Variants in MROH9 observed in about 807,000 individuals in gnomAD.
The protein encoded by MROH9 is maestro heat like repeat family member 9.
In MROH9, 92 loss-of-function variants were observed where a neutral mutation model predicts 98.2. The ratio of observed to expected loss-of-function variants is 0.94; its 90% CI spans 0.79 to 1.11. The LOEUF (loss-of-function observed/expected upper bound fraction) is 1.11, where lower values mean the gene tolerates loss of function less well. MROH9 is among the 50% of genes most tolerant of loss of function. The pLI is 0.00. For synonymous variants in MROH9, 397 were observed against 368.9 expected, an observed-to-expected ratio of 1.08 and a Z score of -0.87; for missense variants, 1,057 against 1,014.8, an observed-to-expected ratio of 1.04 and a Z score of -0.57.
At chr1:171,053,265 A>G (rs908569593) in intron 20 of MROH9, among the ~76,000 whole-genome samples, 1 of 152,182 alleles carries the variant, frequency 6.6e-6, no homozygotes, top group African/African-American at 2.4e-5. Flanking sequence ...CCAGATCACC[A>G]AACAATGATT....
intron 8 of MROH9, among the ~76,000 whole-genome samples, chr1:170,972,830 A>ACACACG: frequency 1.1e-4 from 1 of 9,438 alleles, no homozygotes; most frequent in Non-Finnish European, 2.3e-4. Flanking sequence ...AAAAAAAAAT[A>ACACACG]CACACACACA....
chr1:171,061,053 C>A (rs66776875), intron 20 of MROH9, among the ~76,000 whole-genome samples: 18,328 of 152,018 alleles, frequency 0.12, 1,212 homozygotes, highest in Middle Eastern at 0.23. Context: ...ATATATACAC[C>A]GGCAAGAGAC....
At chr1:171,010,641 A>G (rs2101828549) in intron 15 of MROH9, among the ~76,000 whole-genome samples, 4 of 152,248 alleles carry the variant, frequency 2.6e-5, no homozygotes, top group Middle Eastern at 6.8e-3. Context: ...CTGGTGTGAG[A>G]TGTTATCTCA....
intron 9 of MROH9, 78 bp downstream of exon 9, chr1:170,983,612 G>A (rs1651016085): frequency 3.6e-6 from 3 of 828,200 alleles, no homozygotes; most frequent in Non-Finnish European, 5.8e-6. Context: ...TTTCAACAAA[G>A]TTTATGTCGT....
chr1:171,028,315 T>C (rs1485107650), intron 20 of MROH9, among the ~76,000 whole-genome samples: 3 of 152,196 alleles, frequency 2.0e-5, no homozygotes, highest in Non-Finnish European at 4.4e-5. Context: ...TTTAGCAGGT[T>C]TGTCGAAAAT....
chr1:171,036,186 A>G (rs968485367), intron 20 of MROH9, among the ~76,000 whole-genome samples: 4 of 152,164 alleles, frequency 2.6e-5, no homozygotes, highest in African/African-American at 4.8e-5. Context: ...CTAAAGAGTT[A>G]TTAAACTCAG....
At chr1:171,027,593 T>C (rs762249448) in intron 20 of MROH9, among the ~76,000 whole-genome samples, 6 of 152,220 alleles carry the variant, frequency 3.9e-5, no homozygotes, top group Non-Finnish European at 8.8e-5. Flanking sequence ...CTGGGTTAAA[T>C]GGTATTTCTG....
chr1:170,968,692 G>A (rs1344486203), intron 7 of MROH9, among the ~76,000 whole-genome samples: 2 of 152,092 alleles, frequency 1.3e-5, no homozygotes, highest in Admixed American at 6.6e-5. Context: ...AGGCTGCAGT[G>A]AGCTATGATC....
chr1:170,980,108 AC>A (rs1408934326), intron 8 of MROH9, among the ~76,000 whole-genome samples: 1 of 152,168 alleles, frequency 6.6e-6, no homozygotes, highest in Non-Finnish European at 1.5e-5. Context: ...AAATAGAAAA[AC>A]ATTCTATCCT....
chr1:171,007,946 G>T (rs764521696), intron 15 of MROH9, among the ~76,000 whole-genome samples: 8 of 152,138 alleles, frequency 5.3e-5, no homozygotes, highest in Non-Finnish European at 1.0e-4. Flanking sequence ...TCTCAAAATA[G>T]CTCTCCTTAA....
intron 1 of MROH9, among the ~76,000 whole-genome samples, chr1:170,944,011 TAAC>T (rs1203905811): frequency 2.0e-5 from 3 of 151,972 alleles, no homozygotes; most frequent in Non-Finnish European, 4.4e-5. Flanking sequence ...ATATCGCTAA[TAAC>T]AATTATAATA....
intron 20 of MROH9, among the ~76,000 whole-genome samples, chr1:171,047,525 T>C (rs1653506636): frequency 6.6e-6 from 1 of 152,198 alleles, no homozygotes; most frequent in Admixed American, 6.5e-5. Context: ...TTAATCTCTT[T>C]GTTAAATTTA....
intron 7 of MROH9, among the ~76,000 whole-genome samples, chr1:170,966,208 A>C (rs1650231096): frequency 6.6e-6 from 1 of 152,086 alleles, no homozygotes; most frequent in Non-Finnish European, 1.5e-5. Flanking sequence ...ACCTTCACAA[A>C]TACTGGGATA....
chr1:171,051,990 G>T (rs1468971062), intron 20 of MROH9, among the ~76,000 whole-genome samples: 1 of 151,564 alleles, frequency 6.6e-6, no homozygotes, highest in Non-Finnish European at 1.5e-5. Context: ...GTTATTGCTT[G>T]TATGTCTAGT....
chr1:170,965,946 T>C (rs1228090116), intron 7 of MROH9, among the ~76,000 whole-genome samples: 1 of 152,124 alleles, frequency 6.6e-6, no homozygotes, highest in Non-Finnish European at 1.5e-5. Context: ...AAATACAGTA[T>C]ATAGCCCATA....
rs1488876892 is a variant in MROH9, at chr1:171,026,897, A to G, written c.2281+1477A>G. 2.6e-5 allele frequency among the ~76,000 whole-genome samples: 4 copies of G among 152,310 alleles called. No individual in the cohort carries two copies. In the East Asian group the frequency reaches 7.7e-4, roughly 29 times the overall value. On this transcript the variant is annotated intron_variant, in intron 20 of 21. Transcript: ENST00000367759. ...ATCTGGGATGGGATAATGGGAGCAT[A>G]TGAAAAATAAGCTTTCGAAGTACAA...
At chr1:170,956,414 T>C (rs1390873969) in intron 3 of MROH9, among the ~76,000 whole-genome samples, 1 of 152,102 alleles carries the variant, frequency 6.6e-6, no homozygotes, top group East Asian at 1.9e-4. Context: ...GGCAGTATGG[T>C]CATTTCACAA....
At chr1:171,056,399 T>C (rs1156395391) in intron 20 of MROH9, among the ~76,000 whole-genome samples, 1 of 152,208 alleles carries the variant, frequency 6.6e-6, no homozygotes, top group African/African-American at 2.4e-5. Flanking sequence ...TCTTCAGGAC[T>C]GACCCTGACT....
chr1:170,959,183 A>G (rs1557873898), intron 4 of MROH9, among the ~76,000 whole-genome samples: 1 of 151,860 alleles, frequency 6.6e-6, no homozygotes, highest in Non-Finnish European at 1.5e-5. Flanking sequence ...AGACCATCCT[A>G]GCTAACATGG....
Sources: allele counts gnomAD v4.1 joint callset (sites outside exome capture counted in the v4.1 genomes callset), GRCh38; gene constraint gnomAD v4.1.1; transcripts MANE v1.5; gene names NCBI Gene and HGNC (gene_info 2026-07-23, HGNC 2026-07-21).